Variants in TRIM37 observed in about 807,000 individuals in gnomAD.
TRIM37 encodes the protein tripartite motif containing 37.
In TRIM37, 80 loss-of-function variants were observed where a neutral mutation model predicts 129.8. The ratio of observed to expected loss-of-function variants is 0.62; its 90% CI spans 0.51 to 0.74. The LOEUF is 0.74. Ranked by LOEUF, TRIM37 falls within the 30% of genes least tolerant of loss-of-function variation. The probability of loss-of-function intolerance (pLI) is 0.00; values close to 1 mark genes in which losing one functional copy is unlikely to be tolerated. For synonymous variants in TRIM37, 389 were observed against 387.1 expected (o/e 1.00, Z -0.06); for missense variants, 1,054 against 1,176.5 (o/e 0.90, Z 1.52).
At chr17:59,034,119 AG>A in intron 17 of TRIM37, among the ~76,000 whole-genome samples, 1 of 151,868 alleles carries the variant, frequency 6.6e-6, no homozygotes, top group East Asian at 2.0e-4. Context: ...AAAAAAAAAA[AG>A]GATACGGAGG....
At chr17:59,046,116 G>A (rs2039771648) in intron 16 of TRIM37, among the ~76,000 whole-genome samples, 1 of 152,090 alleles carries the variant, frequency 6.6e-6, no homozygotes, top group Non-Finnish European at 1.5e-5. Flanking sequence ...GAATGAGTAA[G>A]AAATAATGGA....
At chr17:59,033,924 C>A (rs1230130485) in intron 17 of TRIM37, among the ~76,000 whole-genome samples, 1 of 151,648 alleles carries the variant, frequency 6.6e-6, no homozygotes, top group East Asian at 2.0e-4. Context: ...TAGAGACCAG[C>A]CTTGCCAACA....
chr17:59,090,625 G>C (rs1407869535), intron 3 of TRIM37, among the ~76,000 whole-genome samples: 2 of 151,892 alleles, frequency 1.3e-5, no homozygotes, highest in East Asian at 3.9e-4. Flanking sequence ...TTTTGAGACA[G>C]ACTCTCGCTC....
Position 59,051,205 on chromosome 17 carries a change from T to C in TRIM37, c.1314+9A>G, listed in dbSNP as rs1475081485. 5 of 1,555,564 alleles carry C rather than the reference T, an allele frequency of 3.2e-6. No homozygotes were observed. The highest frequency in any genetic ancestry group is 4.4e-6 in the Non-Finnish European group (5 of 1,127,150). ...GGAAACACCAAAACAGAAATAGATATTTTCTTACCTCTTTAAGGTTGTTTA... is the reference window on the plus strand; with the variant it reads ...GGAAACACCAAAACAGAAATAGATACTTTCTTACCTCTTTAAGGTTGTTTA... On this transcript the variant is annotated intron_variant, in intron 14 of 23. Coordinates refer to ENST00000262294, the MANE Select transcript of TRIM37 (RefSeq NM_015294.6).
At chr17:59,081,670 C>T (rs1020474983) in intron 5 of TRIM37, among the ~76,000 whole-genome samples, 4 of 151,808 alleles carry the variant, frequency 2.6e-5, no homozygotes, top group East Asian at 1.9e-4. Flanking sequence ...TACTTTGGGA[C>T]GCTGAGGAGG....
At chr17:59,077,785 G>A (rs1212743626) in intron 7 of TRIM37, among the ~76,000 whole-genome samples, 1 of 141,434 alleles carries the variant, frequency 7.1e-6, no homozygotes, top group African/African-American at 2.6e-5. Context: ...ACTCCAGCCT[G>A]GGCAACAGAA....
chr17:59,058,629 G>A (rs1193765560), intron 12 of TRIM37, among the ~76,000 whole-genome samples: 5 of 152,150 alleles, frequency 3.3e-5, no homozygotes, highest in African/African-American at 2.4e-5. Context: ...AGACCGAGGT[G>A]GGCAGATCGC....
At chr17:59,083,578 AT>A (rs1436438266) in intron 5 of TRIM37, among the ~76,000 whole-genome samples, 3 of 152,196 alleles carry the variant, frequency 2.0e-5, no homozygotes, top group Non-Finnish European at 4.4e-5. Flanking sequence ...ATTGGAAAAA[AT>A]AATCTAAAAA....
At chr17:59,092,630 A>C (rs1448484234) in intron 2 of TRIM37, among the ~76,000 whole-genome samples, 1 of 152,108 alleles carries the variant, frequency 6.6e-6, no homozygotes, top group Admixed American at 6.5e-5. Flanking sequence ...AATAAAAAAA[A>C]CTTTATGTTT....
chr17:59,055,680 C>T (rs899487297), intron 13 of TRIM37, among the ~76,000 whole-genome samples: 2 of 101,974 alleles, frequency 2.0e-5, no homozygotes, highest in Admixed American at 1.4e-4. Context: ...AGGGAGACTC[C>T]ATCTCAAAAA....
At chr17:59,003,973 G>T (rs1161311323) in intron 22 of TRIM37, among the ~76,000 whole-genome samples, 1 of 151,296 alleles carries the variant, frequency 6.6e-6, no homozygotes, top group East Asian at 1.9e-4. Flanking sequence ...GCACACATTG[G>T]TGTGCACCTG....
rs542077384 is a variant in TRIM37 at position 59,100,443 on chromosome 17, T to C, written c.123+3850A>G. ...AAAGGAATACTACTGATACATACAG[T>C]ATTTTTGCTGAGTGAAAAAAAGCCA... is the stretch of plus-strand genomic sequence containing the variant. On this transcript the variant is annotated intron_variant, in intron 2 of 23. Coordinates refer to ENST00000262294, the MANE Select transcript of TRIM37 (RefSeq NM_015294.6). 7.9e-5 allele frequency among the ~76,000 whole-genome samples: 12 copies of C among 152,326 alleles called. No homozygotes were observed. In the South Asian group the frequency reaches 2.5e-3, roughly 32 times the overall value.
chr17:58,990,178 CAAAAAAAAAAA>C (rs35076409), intron 24 of TRIM37, among the ~76,000 whole-genome samples: 6 of 25,616 alleles, frequency 2.3e-4, no homozygotes, highest in East Asian at 1.5e-3. Context: ...GACCTTGTCT[CAAAAAAAAAAA>C]AAAAAAAAAA....
In TRIM37 at chr17:59,012,310, A is replaced by C. The variant is rs905752311; in HGVS notation, c.2695+18T>G. On this transcript the variant is annotated intron_variant, in intron 22 of 23. Transcript: ENST00000262294. ...GAATTCTCATTTCCTGCTTACTTAT[A>C]AGTTTATCATTCCTTACCTTCTTCA... The C allele has an allele frequency of 1.3e-6, 2 of 1,529,622 alleles. No homozygotes were observed. The highest frequency in any genetic ancestry group is 1.8e-6 in the Non-Finnish European group (2 of 1,109,654). 94.8% of individuals were successfully genotyped at this position (1,529,622 alleles called of 1,614,324 possible).
intron 2 of TRIM37, among the ~76,000 whole-genome samples, chr17:59,098,836 C>T (rs1487197196): frequency 1.3e-5 from 2 of 151,890 alleles, no homozygotes; most frequent in South Asian, 4.1e-4. Flanking sequence ...GAACTATTAA[C>T]AATATCCAAT....
At chr17:59,079,025 TA>T (rs1277744632) in intron 7 of TRIM37, among the ~76,000 whole-genome samples, 1 of 148,788 alleles carries the variant, frequency 6.7e-6, no homozygotes, top group Admixed American at 6.7e-5. Context: ...AAGACATGGC[TA>T]AAATCTTGGA....
intron 2 of TRIM37, among the ~76,000 whole-genome samples, chr17:59,095,993 C>T (rs2044818636): frequency 6.6e-6 from 1 of 152,096 alleles, no homozygotes; most frequent in African/African-American, 2.4e-5. Flanking sequence ...CGTGCTGGGA[C>T]TACAGGCATG....
At chr17:59,008,979 C>T (rs1255360250) in intron 22 of TRIM37, among the ~76,000 whole-genome samples, 2 of 152,304 alleles carry the variant, frequency 1.3e-5, no homozygotes, top group Non-Finnish European at 2.9e-5. Context: ...CCCTTCTGGC[C>T]TTTCACCAGT....
chr17:59,020,390 GA>G (rs528399512), intron 19 of TRIM37, among the ~76,000 whole-genome samples: 11 of 147,138 alleles, frequency 7.5e-5, no homozygotes, highest in Admixed American at 2.0e-4. Flanking sequence ...AATCAAAGGA[GA>G]AAAAAAAACA....
Sources: allele counts gnomAD v4.1 joint callset (sites outside exome capture counted in the v4.1 genomes callset), GRCh38; gene constraint gnomAD v4.1.1; transcripts MANE v1.5; gene names NCBI Gene and HGNC (gene_info 2026-07-23, HGNC 2026-07-21).